Variants in THSD7B observed in about 807,000 individuals in gnomAD.
The protein encoded by THSD7B is thrombospondin type 1 domain containing 7B.
In THSD7B, 138 loss-of-function variants were observed where a neutral mutation model predicts 213.6. The observed-to-expected ratio is 0.65, with a 90% CI of 0.56 to 0.74. The LOEUF (loss-of-function observed/expected upper bound fraction) is 0.74, where lower values mean the gene tolerates loss of function less well. THSD7B is among the 30% of genes least tolerant of loss of function. The pLI, the probability that THSD7B is intolerant of heterozygous loss-of-function variation, is 0.00. For missense variants in THSD7B, 1,931 were observed against 1,991.5 expected (o/e 0.97, Z 0.58); for synonymous variants, 742 against 687.0 (o/e 1.08, Z -1.25).
chr2:136,976,876 C>T (rs1685490243), intron 2 of THSD7B, among the ~76,000 whole-genome samples: 1 of 152,182 alleles, frequency 6.6e-6, no homozygotes, highest in African/African-American at 2.4e-5. Context: ...CCGCCTCGGC[C>T]TCCCAAAGTG....
intron 14 of THSD7B, among the ~76,000 whole-genome samples, chr2:137,413,740 A>G (rs1439093573): frequency 6.6e-6 from 1 of 152,180 alleles, no homozygotes; most frequent in Non-Finnish European, 1.5e-5. Flanking sequence ...AGGAATATGA[A>G]TATAATTTAA....
intron 15 of THSD7B, among the ~76,000 whole-genome samples, chr2:137,472,052 G>T (rs1189836285): frequency 2.0e-5 from 3 of 152,176 alleles, no homozygotes; most frequent in African/African-American, 7.2e-5. Flanking sequence ...TATGTCACAG[G>T]CCTACAATCT....
chr2:137,045,980 G>A (rs1272741049), intron 2 of THSD7B, among the ~76,000 whole-genome samples: 1 of 151,738 alleles, frequency 6.6e-6, no homozygotes, highest in Non-Finnish European at 1.5e-5. Context: ...CATAAACTGA[G>A]GAAACACAGA....
intron 15 of THSD7B, among the ~76,000 whole-genome samples, chr2:137,510,824 C>T (rs565739960): frequency 7.2e-5 from 11 of 152,078 alleles, no homozygotes; most frequent in Admixed American, 3.9e-4. Flanking sequence ...GAAATTAGAC[C>T]GTCATGTGTC....
At chr2:136,799,810 C>T (rs3951771) in intron 1 of THSD7B, among the ~76,000 whole-genome samples, 101,115 of 151,688 alleles carry the variant, frequency 0.67, 33,857 homozygotes, top group East Asian at 0.8. Context: ...TATTCTTAAA[C>T]GCCCATTCTT....
intron 10 of THSD7B, among the ~76,000 whole-genome samples, chr2:137,259,159 T>A (rs1442429510): frequency 1.3e-5 from 2 of 152,202 alleles, no homozygotes; most frequent in East Asian, 3.8e-4. Context: ...TGTGCATGTA[T>A]CTTTATAGTA....
At chr2:137,557,281 C>T (rs1041918155) in intron 15 of THSD7B, among the ~76,000 whole-genome samples, 3 of 152,122 alleles carry the variant, frequency 2.0e-5, no homozygotes, top group Admixed American at 6.6e-5. Context: ...AAATTGAGCA[C>T]ATAGTTGAAA....
At chr2:137,613,878 A>G (rs1682331967) in intron 17 of THSD7B, among the ~76,000 whole-genome samples, 1 of 152,130 alleles carries the variant, frequency 6.6e-6, no homozygotes, top group Non-Finnish European at 1.5e-5. Flanking sequence ...AACAGCTAAT[A>G]GAGAGAAAGA....
At chr2:137,598,179 C>T (rs1010243487) in intron 17 of THSD7B, among the ~76,000 whole-genome samples, 1 of 152,066 alleles carries the variant, frequency 6.6e-6, no homozygotes, top group Non-Finnish European at 1.5e-5. Context: ...TTATTTTTGT[C>T]CTGATGAAGG....
intron 15 of THSD7B, among the ~76,000 whole-genome samples, chr2:137,503,403 C>G (rs1210452264): frequency 6.6e-6 from 1 of 152,132 alleles, no homozygotes; most frequent in Non-Finnish European, 1.5e-5. Flanking sequence ...CAGCTATTCC[C>G]CATTTTAAGC....
In THSD7B at chr2:137,232,975, C is replaced by T. The variant is rs1315977723; in HGVS notation, c.1992C>T (p.His664=). ...LCNDHSCMQL[H]WETSPWGPCS... Reference sequence around the variant, plus strand: ...ATGACCATTCCTGTATGCAGCTTCACTGGGAGACATCGCCTTGGGGCCCTT... The same window carrying T: ...ATGACCATTCCTGTATGCAGCTTCATTGGGAGACATCGCCTTGGGGCCCTT... Residue 664 remains histidine (H), a synonymous_variant, in exon 9 of 28, where the codon CAC becomes CAT. Transcript: ENST00000409968. 1.9e-6 allele frequency: 3 copies of T among 1,613,970 alleles called. No homozygotes were observed. The highest frequency in any genetic ancestry group is 2.5e-6 in the Non-Finnish European group (3 of 1,179,844).
intron 11 of THSD7B, among the ~76,000 whole-genome samples, chr2:137,273,076 T>G (rs1682786511): frequency 6.7e-6 from 1 of 149,072 alleles, no homozygotes; most frequent in Admixed American, 6.7e-5. Context: ...ACACAGGTGG[T>G]AACTTACCTT....
At chr2:136,906,110 T>A (rs1684155506) in intron 2 of THSD7B, among the ~76,000 whole-genome samples, 1 of 152,206 alleles carries the variant, frequency 6.6e-6, no homozygotes, top group South Asian at 2.1e-4. Flanking sequence ...TTTCTCATTT[T>A]CTTCCATTTC....
At chr2:137,008,320 A>G (rs72983563) in intron 2 of THSD7B, among the ~76,000 whole-genome samples, 1,681 of 152,250 alleles carry the variant, frequency 0.011, 36 homozygotes, top group African/African-American at 0.039. Context: ...CAACAAATTG[A>G]TTTAAGAAGG....
rs895826206 is a variant in THSD7B at position 137,641,947 on chromosome 2, A to AT, written c.3800-535dup. On this transcript the variant is annotated intron_variant, in intron 20 of 27. Transcript: ENST00000409968. ...CCTTGGGGTAGCACCTTCCTAGGGAATTTTTTAGGATAATTTGGATGATGT... is the reference window on the plus strand; with the variant it reads ...CCTTGGGGTAGCACCTTCCTAGGGAATTTTTTTAGGATAATTTGGATGATGT... Among the ~76,000 whole-genome samples the AT allele has an allele frequency of 1.9e-4, 29 of 152,238 alleles. No individual in the cohort carries two copies. The South Asian group carries it at 2.1e-3, about 11-fold the overall frequency.
In THSD7B at chr2:137,164,061, C is replaced by A. The variant is rs548727589; in HGVS notation, c.1525+3693C>A. ...CAGTGTGAGCCATTATGCCTAAGAG[C>A]AAATCATTGAGCAGATGCAGGAGAC... On this transcript the variant is annotated intron_variant, in intron 6 of 27. Transcript: ENST00000409968. 3.9e-5 allele frequency among the ~76,000 whole-genome samples: 6 copies of A among 152,104 alleles called. No individual in the cohort carries two copies. The East Asian group carries it at 7.8e-4, about 20-fold the overall frequency.
chr2:137,565,326 G>T (rs72844524), intron 16 of THSD7B, among the ~76,000 whole-genome samples: 8,770 of 152,192 alleles, frequency 0.058, 376 homozygotes, highest in South Asian at 0.17. Context: ...TCTGGAGGCT[G>T]GGAATTCCAA....
At chr2:137,642,744 C>A in intron 21 of THSD7B, 111 bp downstream of exon 21, 5 of 1,294,868 alleles carry the variant, frequency 3.9e-6, no homozygotes, top group Non-Finnish European at 4.2e-6. Flanking sequence ...GGGTCTGGCA[C>A]AATGTATTTT....
chr2:137,604,616 G>T (rs1180976096), intron 17 of THSD7B, among the ~76,000 whole-genome samples: 4 of 152,090 alleles, frequency 2.6e-5, no homozygotes, highest in Admixed American at 2.6e-4. Flanking sequence ...TATTCCCATG[G>T]AAACTCACAG....
Sources: gnomAD v4.1 joint callset for allele counts (sites outside exome capture counted in the v4.1 genomes callset) on GRCh38, gnomAD v4.1.1 for gene constraint, MANE v1.5 for transcripts, NCBI Gene and HGNC (gene_info 2026-07-23, HGNC 2026-07-21) for gene names.